Variants in KIAA0825 observed in about 807,000 individuals in gnomAD.
KIAA0825 encodes uncharacterized protein KIAA0825.
A neutral mutation model predicts 147.6 loss-of-function variants in KIAA0825; 119 were observed. That is an observed-to-expected ratio of 0.81 (90% CI 0.69 to 0.94). KIAA0825 has a LOEUF of 0.94. Ranked by LOEUF, KIAA0825 falls within the 40% of genes least tolerant of loss-of-function variation. The pLI, the probability that KIAA0825 is intolerant of heterozygous loss-of-function variation, is 0.00. For missense variants in KIAA0825, 1,381 were observed against 1,472.7 expected (o/e 0.94, Z 1.02); for synonymous variants, 470 against 518.1 (o/e 0.91, Z 1.26).
At chr5:94,485,055 T>C (rs952090551) in intron 5 of KIAA0825, 125 bp from the exon 6 acceptor site, 4 of 547,688 alleles carry the variant, frequency 7.3e-6, no homozygotes, top group African/African-American at 5.9e-5. Context: ...TAAACCAAAT[T>C]AGTTCATTAA....
At chr5:94,272,106 CAAAAAAAAAAAAAAA>C (rs70975898) in intron 20 of KIAA0825, among the ~76,000 whole-genome samples, 1 of 66,630 alleles carries the variant, frequency 1.5e-5, no homozygotes, top group African/African-American at 5.9e-5. Context: ...TTTGTAGGAG[CAAAAAAAAAAAAAAA>C]AAAAAAAAAA....
intron 1 of KIAA0825, among the ~76,000 whole-genome samples, chr5:94,602,487 C>T (rs1422318548): frequency 6.6e-6 from 1 of 152,166 alleles, no homozygotes. Context: ...CAAATCTCAT[C>T]TTGAATTGTA....
chr5:94,595,642 T>C (rs1192957849), intron 1 of KIAA0825, among the ~76,000 whole-genome samples: 2 of 152,236 alleles, frequency 1.3e-5, no homozygotes, highest in African/African-American at 4.8e-5. Flanking sequence ...CTTGAACTTC[T>C]CCTCAGAAAA....
chr5:94,327,153 A>AT (rs1186633561), intron 20 of KIAA0825, among the ~76,000 whole-genome samples: 2 of 152,118 alleles, frequency 1.3e-5, no homozygotes, highest in Non-Finnish European at 1.5e-5. Context: ...AAGAGCTCTG[A>AT]TTTTTTATGT....
chr5:94,232,565 T>C (rs1774779109), intron 20 of KIAA0825, among the ~76,000 whole-genome samples: 1 of 152,100 alleles, frequency 6.6e-6, no homozygotes, highest in Non-Finnish European at 1.5e-5. Context: ...TTTAATATGA[T>C]AGATTCAACT....
chr5:94,290,675 A>C (rs1777850114), intron 20 of KIAA0825, among the ~76,000 whole-genome samples: 1 of 152,092 alleles, frequency 6.6e-6, no homozygotes, highest in South Asian at 2.1e-4. Context: ...GGTCAAATGG[A>C]ATTTCTGGTT....
intron 14 of KIAA0825, among the ~76,000 whole-genome samples, chr5:94,418,035 T>C (rs755651782): frequency 3.3e-5 from 5 of 152,188 alleles, no homozygotes; most frequent in Admixed American, 6.5e-5. Context: ...ATTGCATTTA[T>C]AGTTTGGATG....
chr5:94,284,859 A>G (rs1777602413), intron 20 of KIAA0825, among the ~76,000 whole-genome samples: 1 of 152,136 alleles, frequency 6.6e-6, no homozygotes, highest in Non-Finnish European at 1.5e-5. Flanking sequence ...TTAGATATGT[A>G]GAAACATTGT....
chr5:94,369,876 A>G (rs546116115), intron 20 of KIAA0825, among the ~76,000 whole-genome samples: 1 of 152,294 alleles, frequency 6.6e-6, no homozygotes, highest in African/African-American at 2.4e-5. Context: ...ACAAGAAGCC[A>G]TAGTTTCAGC....
chr5:94,418,649 T>C (rs890114361), intron 14 of KIAA0825, among the ~76,000 whole-genome samples: 4 of 152,070 alleles, frequency 2.6e-5, no homozygotes, highest in African/African-American at 7.2e-5. Context: ...GCTAGAATTG[T>C]TGACAAAGCA....
chr5:94,187,359 G>GAA (rs575518336), intron 20 of KIAA0825, among the ~76,000 whole-genome samples: 1 of 112,860 alleles, frequency 8.9e-6, no homozygotes, highest in Non-Finnish European at 1.8e-5. Context: ...TGGAGGGAAG[G>GAA]AAAAAAAAAA....
At chr5:94,302,661 G>T (rs1778484567) in intron 20 of KIAA0825, among the ~76,000 whole-genome samples, 1 of 151,782 alleles carries the variant, frequency 6.6e-6, no homozygotes, top group South Asian at 2.1e-4. Context: ...TTATATGATT[G>T]TATGAATAAA....
intron 20 of KIAA0825, among the ~76,000 whole-genome samples, chr5:94,291,079 A>T (rs1293503977): frequency 2.0e-5 from 3 of 152,134 alleles, no homozygotes; most frequent in East Asian, 3.9e-4. Flanking sequence ...CCCATTCTGT[A>T]GGTTGCCTGT....
At chr5:94,266,124 C>CTA (rs1479140659) in intron 20 of KIAA0825, among the ~76,000 whole-genome samples, 1 of 152,156 alleles carries the variant, frequency 6.6e-6, no homozygotes, top group Admixed American at 6.5e-5. Flanking sequence ...CATAGTAAAA[C>CTA]TGTCATTTCA....
At chr5:94,315,113 G>A (rs1012909251) in intron 20 of KIAA0825, among the ~76,000 whole-genome samples, 7 of 151,516 alleles carry the variant, frequency 4.6e-5, no homozygotes, top group Non-Finnish European at 7.4e-5. Context: ...AGTTCTAAAC[G>A]TGTCATATCT....
In KIAA0825 at chr5:94,471,619, A is replaced by G. The variant is rs1761222597; in HGVS notation, c.1568T>C (p.Val523Ala). The G allele has an allele frequency of 1.3e-6, 2 of 1,551,892 alleles. No homozygotes were observed. The highest frequency in any genetic ancestry group is 2.4e-5 in the East Asian group (1 of 40,936). ...CAGTCTCTGCAGGACAGCTGTTGCCACTTTACAACAGGCCTCCACCAAGTT... is the reference window on the plus strand; with the variant it reads ...CAGTCTCTGCAGGACAGCTGTTGCCGCTTTACAACAGGCCTCCACCAAGTT... ...RANLVEACCKVATAVLQRLQE... is the reference protein window; with the variant it reads ...RANLVEACCKAATAVLQRLQE... Residue 523 changes from valine to alanine, a missense_variant, in exon 9 of 21, where the codon GTG (valine) becomes GCG (alanine). Val to Ala is a moderately conservative substitution (Grantham distance 64). Coordinates refer to ENST00000682413, the MANE Select transcript of KIAA0825 (RefSeq NM_001145678.3).
chr5:94,510,744 C>G (rs1011403565), intron 5 of KIAA0825, among the ~76,000 whole-genome samples: 15 of 152,138 alleles, frequency 9.9e-5, no homozygotes. Flanking sequence ...ACATTTTACT[C>G]AAAGCTAAGG....
intron 20 of KIAA0825, among the ~76,000 whole-genome samples, chr5:94,210,900 T>C (rs1352545810): frequency 6.6e-6 from 1 of 152,192 alleles, no homozygotes; most frequent in African/African-American, 2.4e-5. Context: ...AAAGATGTAG[T>C]GTACAAGTAA....
At chr5:94,519,972 G>T in intron 5 of KIAA0825, 1 of 1,043,786 alleles carries the variant, frequency 9.6e-7, no homozygotes, top group Non-Finnish European at 1.2e-6. Context: ...CACAAATACT[G>T]TTTGTCATAT....
Sources: gnomAD v4.1 joint callset for allele counts (sites outside exome capture counted in the v4.1 genomes callset) on GRCh38, gnomAD v4.1.1 for gene constraint, MANE v1.5 for transcripts, NCBI Gene and HGNC (gene_info 2026-07-23, HGNC 2026-07-21) for gene names.